The following NUAK1 variants were observed in gnomAD, a reference collection of about 807,000 sequenced individuals.
The protein encoded by NUAK1 is NUAK family SNF1-like kinase 1.
In NUAK1, 26 loss-of-function variants were observed where a neutral mutation model predicts 56.9. The observed-to-expected ratio is 0.46, with a 90% CI of 0.33 to 0.63. The LOEUF (loss-of-function observed/expected upper bound fraction) is 0.63, where lower values mean the gene tolerates loss of function less well. Among genes scored for constraint, NUAK1 ranks in the 30% least tolerant of loss-of-function variants. The probability of loss-of-function intolerance (pLI) is 0.02; values close to 1 mark genes in which losing one functional copy is unlikely to be tolerated. For synonymous variants in NUAK1, 337 were observed against 336.0 expected (o/e 1.00, Z -0.03); for missense variants, 727 against 876.1 (o/e 0.83, Z 2.15).
intron 2 of NUAK1, among the ~76,000 whole-genome samples, chr12:106,105,602 G>A (rs969109980): frequency 6.6e-6 from 1 of 152,032 alleles, no homozygotes; most frequent in Non-Finnish European, 1.5e-5. Context: ...TGATCTAACT[G>A]GACAAAAACC....
intron 2 of NUAK1, among the ~76,000 whole-genome samples, chr12:106,087,426 A>T (rs1203646916): frequency 2.0e-5 from 3 of 152,132 alleles, no homozygotes; most frequent in Non-Finnish European, 4.4e-5. Context: ...CTACACACCC[A>T]TTCCATGTAT....
At chr12:106,124,719 C>G (rs1449318021) in intron 1 of NUAK1, among the ~76,000 whole-genome samples, 5 of 152,118 alleles carry the variant, frequency 3.3e-5, no homozygotes, top group Admixed American at 3.3e-4. Context: ...CAATAAATAT[C>G]TGTTAAATGG....
intron 1 of NUAK1, among the ~76,000 whole-genome samples, chr12:106,122,378 C>G (rs2032986591): frequency 6.6e-6 from 1 of 152,198 alleles, no homozygotes; most frequent in African/African-American, 2.4e-5. Context: ...GGGCAAGTGA[C>G]TTAGTTTTCT....
At chr12:106,086,585 T>C in intron 3 of NUAK1, 149 bp downstream of exon 3, 1 of 724,800 alleles carries the variant, frequency 1.4e-6, no homozygotes, top group Non-Finnish European at 1.9e-6. Context: ...GATTCCAGAA[T>C]CACGGGTGAT....
intron 1 of NUAK1, among the ~76,000 whole-genome samples, chr12:106,115,040 C>T (rs185900401): frequency 7.2e-5 from 11 of 152,280 alleles, no homozygotes; most frequent in Non-Finnish European, 1.3e-4. Flanking sequence ...CCCATGAATA[C>T]GCATACTTGG....
chr12:106,067,063 G>A lies in NUAK1; in HGVS notation c.1725C>T (p.Asp575=). The A allele has an allele frequency of 1.2e-6, 2 of 1,614,262 alleles. No individual in the cohort carries two copies. The highest frequency in any genetic ancestry group is 8.5e-7 in the Non-Finnish European group (1 of 1,180,054). The part of the protein sequence containing the change: ...YSRPSSVISD[D]SVLSSDSFDL... Reference sequence around the variant, plus strand: ...CAAAAGAGTCGCTGGACAGCACGCTGTCATCGCTGATGACACTGGAAGGGC... The same window carrying A: ...CAAAAGAGTCGCTGGACAGCACGCTATCATCGCTGATGACACTGGAAGGGC... Residue 575 remains aspartate (D), a synonymous_variant, in exon 7 of 7, where the codon GAC becomes GAT. Coordinates refer to ENST00000261402, the MANE Select transcript of NUAK1 (RefSeq NM_014840.3). This position sits in a 1 kb window ranked among gnomAD's most constrained non-coding sequence, Gnocchi z 6.0.
intron 4 of NUAK1, among the ~76,000 whole-genome samples, chr12:106,078,538 C>T (rs2032485290): frequency 6.6e-6 from 1 of 152,172 alleles, no homozygotes; most frequent in Admixed American, 6.5e-5. Flanking sequence ...CAATTCCATC[C>T]AGGAAGGTAC....
At chr12:106,089,132 C>A (rs1565921586) in intron 2 of NUAK1, among the ~76,000 whole-genome samples, 1 of 152,218 alleles carries the variant, frequency 6.6e-6, no homozygotes, top group East Asian at 1.9e-4. Flanking sequence ...ATGGCCCAGG[C>A]CCCAAAAATG....
intron 1 of NUAK1, among the ~76,000 whole-genome samples, chr12:106,131,877 C>T (rs999282805): frequency 6.6e-6 from 1 of 152,152 alleles, no homozygotes. Flanking sequence ...ACTCCATTCA[C>T]GGTGGGTCAT....
chr12:106,078,429 A>T (rs1198472720), intron 4 of NUAK1, among the ~76,000 whole-genome samples: 1 of 152,264 alleles, frequency 6.6e-6, no homozygotes, highest in Non-Finnish European at 1.5e-5. Flanking sequence ...ACATCGGTGA[A>T]CAGCTGCCTT....
chr12:106,068,032 T>C, intron 6 of NUAK1, 77 bp from the exon 7 acceptor site: 1 of 1,401,456 alleles, frequency 7.1e-7, no homozygotes, highest in Non-Finnish European at 9.6e-7. Flanking sequence ...CCTCCAGGAG[T>C]GACGAAAGAC....
At chr12:106,123,076 C>T (rs753762982) in intron 1 of NUAK1, among the ~76,000 whole-genome samples, 2 of 152,170 alleles carry the variant, frequency 1.3e-5, no homozygotes, top group Non-Finnish European at 2.9e-5. Flanking sequence ...TAGGCTCATG[C>T]AAAGCAATGC....
At chr12:106,120,741 C>A (rs1245195499) in intron 1 of NUAK1, among the ~76,000 whole-genome samples, 1 of 152,196 alleles carries the variant, frequency 6.6e-6, no homozygotes, top group Non-Finnish European at 1.5e-5. Context: ...TACAGGCAGC[C>A]TATGACGCAA....
chr12:106,078,037 G>A (rs146791734), intron 4 of NUAK1, among the ~76,000 whole-genome samples: 1 of 152,292 alleles, frequency 6.6e-6, no homozygotes, highest in East Asian at 1.9e-4. Flanking sequence ...CAATCACTTG[G>A]TGCTGTGAAA....
chr12:106,104,090 G>C (rs1408194666), intron 2 of NUAK1: 1 of 147,398 alleles, frequency 6.8e-6, no homozygotes. Context: ...TTTTAAGACA[G>C]GGTCTCACTT....
At chr12:106,117,691 C>T (rs2032931635) in intron 1 of NUAK1, among the ~76,000 whole-genome samples, 1 of 152,238 alleles carries the variant, frequency 6.6e-6, no homozygotes, top group Non-Finnish European at 1.5e-5. Flanking sequence ...TAACATTGAC[C>T]TACTTTGCAC....
chr12:106,075,286 A>AACACACACACAC (rs370123170), intron 4 of NUAK1, among the ~76,000 whole-genome samples: 14,837 of 133,208 alleles, frequency 0.11, 848 homozygotes, highest in Middle Eastern at 0.15. Context: ...AGTATTAATC[A>AACACACACACAC]ACACACACAC....
At chr12:106,105,852 G>A (rs2032794711) in intron 2 of NUAK1, 1 of 152,248 alleles carries the variant, frequency 6.6e-6, no homozygotes, top group African/African-American at 2.4e-5. Flanking sequence ...ACTGAAGCCT[G>A]AGCGTCTGTA....
intron 2 of NUAK1, among the ~76,000 whole-genome samples, chr12:106,097,778 G>A (rs2032709677): frequency 6.6e-6 from 1 of 152,130 alleles, no homozygotes; most frequent in Non-Finnish European, 1.5e-5. Flanking sequence ...ACACGTGGAG[G>A]GCTAATGATT....
Sources: gnomAD v4.1 joint callset for allele counts (sites outside exome capture counted in the v4.1 genomes callset) on GRCh38, gnomAD v4.1.1 for gene constraint, Gnocchi (gnomAD v3.1) non-coding constraint, MANE v1.5 for transcripts, NCBI Gene and HGNC (gene_info 2026-07-23, HGNC 2026-07-21) for gene names.